The following SVOPL variants were observed in gnomAD, a reference collection of about 807,000 sequenced individuals.
SVOPL encodes SVOP like, also known as putative transporter SVOPL.
Under a neutral mutation model 61.0 loss-of-function variants are expected in SVOPL, and 60 were observed. That is an observed-to-expected ratio of 0.98 (90% confidence interval 0.80 to 1.22). SVOPL has a LOEUF of 1.22. SVOPL is among the 50% of genes most tolerant of loss of function. SVOPL has a pLI of 0.00. For missense variants in SVOPL, 662 were observed against 643.9 expected, an observed-to-expected ratio of 1.03 and a Z score of -0.30; for synonymous variants, 279 against 250.0, an observed-to-expected ratio of 1.12 and a Z score of -1.09.
intron 4 of SVOPL, among the ~76,000 whole-genome samples, chr7:138,670,012 T>C (rs1353109974): frequency 3.9e-5 from 6 of 152,172 alleles, no homozygotes; most frequent in Non-Finnish European, 7.3e-5. Flanking sequence ...TGTTACTTCC[T>C]AAATATGTCC....
rs534316483 is a variant in SVOPL at position 138,649,450 on chromosome 7, C to T, written c.535-313G>A. On this transcript the variant is annotated intron_variant, in intron 7 of 15. Coordinates refer to ENST00000674285, the MANE Select transcript of SVOPL (RefSeq NM_001139456.2). The stretch of plus-strand genomic sequence containing the variant: ...CTGGGATTATAGGCATGTGCCACCA[C>T]GCCCAGCTCATTTTTTTTGTATTTT... Among the ~76,000 whole-genome samples, 490 of 152,076 alleles carry T rather than the reference C, an allele frequency of 3.2e-3. 1 individual carries two copies. Among genetic ancestry groups the T allele is most frequent in the African/African-American group, 0.011 (463 of 41,502 alleles).
chr7:138,676,120 G>A (rs140079735), intron 3 of SVOPL, among the ~76,000 whole-genome samples: 1 of 152,338 alleles, frequency 6.6e-6, no homozygotes, highest in Non-Finnish European at 1.5e-5. Flanking sequence ...ACAGGCATGA[G>A]CCACAGTGCC....
intron 5 of SVOPL, chr7:138,661,777 C>T (rs893404167): frequency 8.8e-6 from 8 of 904,300 alleles, no homozygotes; most frequent in Admixed American, 6.2e-5. Context: ...TGCTGCTAAT[C>T]GGAGCATATA....
At position 138,620,847 on chromosome 7, in the gene SVOPL, C is replaced by T. The variant is rs112412545; in HGVS notation, c.1353+199G>A. Among the ~76,000 whole-genome samples the T allele has an allele frequency of 8.3e-3, 1,269 of 152,312 alleles. 20 individuals carry two copies. Among genetic ancestry groups the T allele is most frequent in the African/African-American group, 0.028 (1,182 of 41,566 alleles). On this transcript the variant is annotated intron_variant, in intron 14 of 15. Coordinates refer to ENST00000674285, the MANE Select transcript of SVOPL (RefSeq NM_001139456.2). The stretch of plus-strand genomic sequence containing the variant: ...CTGAACGCAATGCAATGCCTACTAC[C>T]GACTGGAAGGCTGAAAGCCTGGTAG...
At chr7:138,626,227 A>T (rs903110849) in intron 12 of SVOPL, 177 bp from the exon 13 acceptor site, 36 of 604,216 alleles carry the variant, frequency 6.0e-5, no homozygotes, top group Non-Finnish European at 1.0e-4. Context: ...CCTCCTTCCA[A>T]TCTTACTCCC....
intron 11 of SVOPL, among the ~76,000 whole-genome samples, 155 bp from the exon 12 acceptor site, chr7:138,627,616 A>G (rs1370209848): frequency 1.3e-5 from 2 of 152,198 alleles, no homozygotes; most frequent in Admixed American, 6.5e-5. Context: ...GTTGTCATCA[A>G]TTTCAAGACT....
chr7:138,605,173 T>C (rs1272000323), intron 14 of SVOPL, among the ~76,000 whole-genome samples: 1 of 143,998 alleles, frequency 6.9e-6, no homozygotes, highest in East Asian at 2.0e-4. Context: ...TCAATAAAAA[T>C]GTTTCCTGAC....
chr7:138,672,192 C>G, intron 3 of SVOPL, 75 bp from the exon 4 acceptor site: 8 of 1,356,196 alleles, frequency 5.9e-6, no homozygotes, highest in South Asian at 1.3e-5. Flanking sequence ...GCCTGCCCAT[C>G]ATCCTACCTA....
At chr7:138,664,636 G>A (rs1437912408) in intron 4 of SVOPL, among the ~76,000 whole-genome samples, 1 of 141,774 alleles carries the variant, frequency 7.1e-6, no homozygotes, top group African/African-American at 2.6e-5. Flanking sequence ...CTAATCTCCA[G>A]CACCCCCGAT....
At chr7:138,693,203 A>G (rs1584872451) in intron 1 of SVOPL, among the ~76,000 whole-genome samples, 1 of 152,092 alleles carries the variant, frequency 6.6e-6, no homozygotes, top group African/African-American at 2.4e-5. Flanking sequence ...AACTAAAAAC[A>G]CACAATAAAA....
intron 1 of SVOPL, among the ~76,000 whole-genome samples, chr7:138,681,533 A>G (rs1239255307): frequency 6.6e-6 from 1 of 152,112 alleles, no homozygotes; most frequent in East Asian, 1.9e-4. Flanking sequence ...TTACAAAATT[A>G]AAACTGAGGG....
chr7:138,690,180 G>A (rs756067538), intron 1 of SVOPL, among the ~76,000 whole-genome samples: 15 of 152,148 alleles, frequency 9.9e-5, no homozygotes, highest in East Asian at 1.9e-4. Context: ...TGTTTAAGCC[G>A]CTCCGTGTAT....
chr7:138,691,792 C>T (rs570981062), intron 1 of SVOPL, among the ~76,000 whole-genome samples: 5 of 151,984 alleles, frequency 3.3e-5, no homozygotes, highest in African/African-American at 4.8e-5. Context: ...CCACCCACCT[C>T]GGCCTCCCAA....
At chr7:138,688,658 T>C (rs1802873442) in intron 1 of SVOPL, among the ~76,000 whole-genome samples, 1 of 152,152 alleles carries the variant, frequency 6.6e-6, no homozygotes, top group Non-Finnish European at 1.5e-5. Flanking sequence ...TTAGTGAAGA[T>C]GTGGGGGTAT....
At chr7:138,668,121 C>G (rs550613659) in intron 4 of SVOPL, among the ~76,000 whole-genome samples, 7 of 152,116 alleles carry the variant, frequency 4.6e-5, no homozygotes, top group Admixed American at 2.6e-4. Context: ...TAAACTGGTT[C>G]ATCTGATCTT....
chr7:138,615,853 AAAAAATAAAAC>A (rs1799273230), intron 14 of SVOPL, among the ~76,000 whole-genome samples: 1 of 151,312 alleles, frequency 6.6e-6, no homozygotes, highest in African/African-American at 2.4e-5. Context: ...AAAATTTTTT[AAAAAATAAAAC>A]AAAAATAAAA....
intron 7 of SVOPL, among the ~76,000 whole-genome samples, chr7:138,655,100 GGATCACTTGA>G (rs1801656963): frequency 6.6e-6 from 1 of 151,992 alleles, no homozygotes; most frequent in African/African-American, 2.4e-5. Context: ...TGAGGTGGGA[GGATCACTTGA>G]GCCTGGGAGG....
At position 138,671,930 on chromosome 7, in the gene SVOPL, C is replaced by T. The variant is rs1240642664; in HGVS notation, c.273+89G>A. ...GAAGCCAACAGTGGCAGTGGTGAGA[C>T]ACCCTTTGGCTCTCAGCCCTGCAGG... On this transcript the variant is annotated intron_variant, in intron 4 of 15. Coordinates refer to ENST00000674285, the MANE Select transcript of SVOPL (RefSeq NM_001139456.2). The T allele has an allele frequency of 3.4e-6, 4 of 1,190,828 alleles. No homozygotes were observed. The East Asian group carries it at 1.0e-4, about 31-fold the overall frequency. The allele number at this position is 1,190,828 out of a possible 1,614,324, so 73.8% of individuals were successfully genotyped here.
chr7:138,672,466 T>A (rs1002088007), intron 3 of SVOPL, among the ~76,000 whole-genome samples: 9 of 152,106 alleles, frequency 5.9e-5, no homozygotes, highest in Admixed American at 5.9e-4. Flanking sequence ...ACCGGCAGCA[T>A]CCACATCAAC....
Sources: gnomAD v4.1 joint callset for allele counts (sites outside exome capture counted in the v4.1 genomes callset) on GRCh38, gnomAD v4.1.1 for gene constraint, MANE v1.5 for transcripts, NCBI Gene and HGNC (gene_info 2026-07-23, HGNC 2026-07-21) for gene names.